CCDC141: variants seen among roughly 807,000 people sequenced by gnomAD.
The protein encoded by CCDC141 is coiled-coil domain containing 141.
A neutral mutation model predicts 181.0 loss-of-function variants in CCDC141; 168 were observed. The observed-to-expected ratio is 0.93, with a 90% CI of 0.82 to 1.05. The LOEUF is 1.05. Among genes scored for constraint, CCDC141 ranks in the 50% least tolerant of loss-of-function variants. The probability of loss-of-function intolerance (pLI) is 0.00; values close to 1 mark genes in which losing one functional copy is unlikely to be tolerated. For synonymous variants in CCDC141, 666 were observed against 642.3 expected (o/e 1.04, Z -0.56); for missense variants, 1,902 against 1,788.5 (o/e 1.06, Z -1.14).
chr2:178,866,830 A>T (rs889955437), intron 16 of CCDC141, among the ~76,000 whole-genome samples: 2 of 152,064 alleles, frequency 1.3e-5, no homozygotes, highest in African/African-American at 2.4e-5. Flanking sequence ...GGTTCAAGCG[A>T]TTCTTCTGCC....
At chr2:178,900,120 C>T (rs1384649576) in intron 8 of CCDC141, among the ~76,000 whole-genome samples, 3 of 152,170 alleles carry the variant, frequency 2.0e-5, no homozygotes, top group South Asian at 2.1e-4. Context: ...TATAATATCT[C>T]GAGGAAACCA....
At chr2:179,009,615 C>A (rs2042209853) in intron 2 of CCDC141, among the ~76,000 whole-genome samples, 2 of 144,654 alleles carry the variant, frequency 1.4e-5, no homozygotes, top group East Asian at 4.1e-4. Context: ...GTGATGTAAA[C>A]CATCTATAGG....
At position 178,860,441 on chromosome 2, in the gene CCDC141, G is replaced by A. The variant is rs184380705; in HGVS notation, c.2725-4044C>T. ...ACAGCTACTCAGGAGGCTGAGGCAG[G>A]AGAATTGCTTGAACCCGGGAGGCAG... is the stretch of plus-strand genomic sequence containing the variant. On this transcript the variant is annotated intron_variant, in intron 17 of 23. Coordinates refer to ENST00000443758, the MANE Select transcript of CCDC141 (RefSeq NM_173648.4). Among the ~76,000 whole-genome samples the A allele has an allele frequency of 3.6e-3, 531 of 148,860 alleles. 2 individuals carry two copies. The highest frequency in any genetic ancestry group is 5.8e-3 in the Non-Finnish European group (395 of 67,532).
intron 2 of CCDC141, among the ~76,000 whole-genome samples, chr2:179,041,021 A>T (rs1014729930): frequency 1.3e-5 from 2 of 152,114 alleles, no homozygotes; most frequent in Non-Finnish European, 1.5e-5. Flanking sequence ...TGGTAAAAGC[A>T]TTCCTTTTCT....
chr2:178,890,798 T>A (rs1255106842), intron 8 of CCDC141, among the ~76,000 whole-genome samples: 2 of 152,180 alleles, frequency 1.3e-5, no homozygotes, highest in Non-Finnish European at 2.9e-5. Context: ...TACAGTGTCA[T>A]GGGAAATATA....
intron 4 of CCDC141, among the ~76,000 whole-genome samples, chr2:178,968,835 A>T (rs1455441547): frequency 6.6e-6 from 1 of 152,086 alleles, no homozygotes; most frequent in Non-Finnish European, 1.5e-5. Flanking sequence ...ACAGACCGCT[A>T]GCCAGACTAA....
At chr2:178,916,967 C>T (rs1041282644) in intron 7 of CCDC141, among the ~76,000 whole-genome samples, 1 of 151,452 alleles carries the variant, frequency 6.6e-6, no homozygotes, top group Non-Finnish European at 1.5e-5. Flanking sequence ...AAGGCTTTTG[C>T]AGGAGATATT....
intron 2 of CCDC141, among the ~76,000 whole-genome samples, chr2:179,000,366 C>T (rs1008612841): frequency 3.3e-5 from 5 of 152,014 alleles, no homozygotes; most frequent in African/African-American, 1.2e-4. Flanking sequence ...AATACAACAG[C>T]CTAGTCTAAA....
intron 2 of CCDC141, among the ~76,000 whole-genome samples, chr2:178,988,000 C>T (rs1691838288): frequency 6.6e-6 from 1 of 151,626 alleles, no homozygotes; most frequent in Admixed American, 6.6e-5. Flanking sequence ...AATCATGCTG[C>T]TATAAAGACA....
chr2:178,822,078 T>C, the CCDC141 span, among the ~76,000 whole-genome samples: 1 of 152,020 alleles, frequency 6.6e-6, no homozygotes, highest in African/African-American at 2.4e-5. Flanking sequence ...TATGCAGCCA[T>C]AAAAAATGAT....
At position 179,047,322 on chromosome 2, in the gene CCDC141, G is replaced by A. The variant is rs2043530237; in HGVS notation, c.187C>T (p.Leu63Phe). The A allele has an allele frequency of 1.3e-6, 2 of 1,543,790 alleles. No homozygotes were observed. The highest frequency in any genetic ancestry group is 1.7e-4 in the Middle Eastern group (1 of 5,980). The change falls in exon 2 of 24, where the codon CTT becomes TTT. Residue 63 changes from leucine (L) to phenylalanine (F), a missense_variant. Coordinates refer to ENST00000443758, the MANE Select transcript of CCDC141 (RefSeq NM_173648.4). The stretch of plus-strand genomic sequence containing the variant: ...AAAAGAAGTTCATGATCATGAAGAA[G>A]TTTTTTGGTTTCATCTTGACTGCTG... ...IGSSQDETKK[L>F]LHDHELLLAK...
Position 178,886,933 on chromosome 2 carries a change from T to A in CCDC141, c.1408-62A>T, listed in dbSNP as rs982559816. On this transcript the variant is annotated intron_variant, in intron 9 of 23. Coordinates refer to ENST00000443758, the MANE Select transcript of CCDC141 (RefSeq NM_173648.4). ...ATATTTTTGCATATATGTACGCACA[T>A]GTGTCAGGAAGATAAATATTATTTT... 2.3e-5 allele frequency: 22 copies of A among 973,394 alleles called. No individual in the cohort carries two copies. In the African/African-American group the frequency reaches 3.6e-4, roughly 16 times the overall value. The allele number at this position is 973,394 out of a possible 1,614,324, so 60.3% of individuals were successfully genotyped here. A position where few individuals can be genotyped will look rare whatever the true frequency, so the allele number is the denominator to read the frequency against.
chr2:178,889,681 C>T (rs181401957), intron 8 of CCDC141, among the ~76,000 whole-genome samples: 22 of 152,202 alleles, frequency 1.4e-4, no homozygotes, highest in Admixed American at 1.1e-3. Flanking sequence ...GGAGTGATGA[C>T]GATGCCACTA....
At chr2:178,984,340 A>T (rs1158665961) in intron 2 of CCDC141, among the ~76,000 whole-genome samples, 1 of 151,466 alleles carries the variant, frequency 6.6e-6, no homozygotes, top group Non-Finnish European at 1.5e-5. Flanking sequence ...AGGAACAACC[A>T]GTACCAGCCG....
At chr2:178,864,669 A>C (rs979385279) in intron 17 of CCDC141, among the ~76,000 whole-genome samples, 3 of 152,106 alleles carry the variant, frequency 2.0e-5, no homozygotes, top group Non-Finnish European at 4.4e-5. Flanking sequence ...TCCATCCTGC[A>C]CCTGCCTGTG....
chr2:178,825,932 G>C (rs1249694923), downstream of CCDC141, among the ~76,000 whole-genome samples: 2 of 152,090 alleles, frequency 1.3e-5, no homozygotes, highest in African/African-American at 4.8e-5. Context: ...AATCAAATTA[G>C]TTTTCTTTCT....
intron 7 of CCDC141, chr2:178,915,759 C>A (rs1326466631): frequency 1.3e-5 from 2 of 152,180 alleles, no homozygotes; most frequent in African/African-American, 4.8e-5. Context: ...GGCCACTTCT[C>A]AGTGTTGGGT....
chr2:178,970,963 A>C (rs972328993), intron 4 of CCDC141, among the ~76,000 whole-genome samples: 4 of 152,228 alleles, frequency 2.6e-5, no homozygotes, highest in South Asian at 4.1e-4. Flanking sequence ...TAATCCCAGC[A>C]CTTCGGGAGG....
intron 5 of CCDC141, among the ~76,000 whole-genome samples, chr2:178,951,022 G>C (rs1183767315): frequency 6.6e-6 from 1 of 152,140 alleles, no homozygotes; most frequent in Non-Finnish European, 1.5e-5. Context: ...TTAATGGATG[G>C]AAAGTTATTT....
Sources: allele counts gnomAD v4.1 joint callset (sites outside exome capture counted in the v4.1 genomes callset), GRCh38; gene constraint gnomAD v4.1.1; transcripts MANE v1.5; gene names NCBI Gene and HGNC (gene_info 2026-07-23, HGNC 2026-07-21).